Variants in EPSTI1 observed in about 807,000 individuals in gnomAD.
The protein encoded by EPSTI1 is epithelial stromal interaction 1.
In EPSTI1, 66 loss-of-function variants were observed where a neutral mutation model predicts 49.9. The observed-to-expected ratio is 1.32, with a 90% CI of 1.08 to 1.62. The LOEUF (loss-of-function observed/expected upper bound fraction) is 1.62, where lower values mean the gene tolerates loss of function less well. Ranked by LOEUF, EPSTI1 falls within the 40% of genes most tolerant of loss-of-function variation. The probability of loss-of-function intolerance (pLI) is 0.00; values close to 1 mark genes in which losing one functional copy is unlikely to be tolerated. For synonymous variants in EPSTI1, 137 were observed against 130.7 expected (o/e 1.05, Z -0.33); for missense variants, 394 against 365.5 (o/e 1.08, Z -0.64).
At chr13:42,909,639 A>G (rs760721817) in intron 8 of EPSTI1, among the ~76,000 whole-genome samples, 1 of 152,070 alleles carries the variant, frequency 6.6e-6, no homozygotes, top group Non-Finnish European at 1.5e-5. Flanking sequence ...AACATGGATG[A>G]ACCCAGAGGA....
At chr13:42,942,924 A>C (rs906411488) in intron 6 of EPSTI1, among the ~76,000 whole-genome samples, 1 of 151,604 alleles carries the variant, frequency 6.6e-6, no homozygotes, top group Non-Finnish European at 1.5e-5. Flanking sequence ...TCCTGACCTC[A>C]TGATCCACCC....
At chr13:42,961,863 G>T (rs2039461284) in intron 5 of EPSTI1, among the ~76,000 whole-genome samples, 1 of 152,202 alleles carries the variant, frequency 6.6e-6, no homozygotes, top group Non-Finnish European at 1.5e-5. Context: ...GCAGCCATTT[G>T]CCTGGGGAGG....
chr13:42,983,754 C>T (rs2040030912), intron 1 of EPSTI1, among the ~76,000 whole-genome samples: 1 of 152,026 alleles, frequency 6.6e-6, no homozygotes, highest in Non-Finnish European at 1.5e-5. Flanking sequence ...TTTCAAGACT[C>T]AGTTTCCTCA....
At chr13:42,917,712 C>T (rs12863816) in intron 7 of EPSTI1, 88 bp from the exon 8 acceptor site, 156,228 of 927,172 alleles carry the variant, frequency 0.17, 16,584 homozygotes, top group East Asian at 0.41. Flanking sequence ...CTACTATAGG[C>T]CCGGTGCTAA....
intron 6 of EPSTI1, among the ~76,000 whole-genome samples, chr13:42,939,919 G>A (rs1318074530): frequency 6.6e-6 from 1 of 152,194 alleles, no homozygotes; most frequent in Non-Finnish European, 1.5e-5. Context: ...CATCACTTAA[G>A]CTGAGCCACC....
At chr13:42,961,900 C>T (rs2039462459) in intron 5 of EPSTI1, among the ~76,000 whole-genome samples, 1 of 152,152 alleles carries the variant, frequency 6.6e-6, no homozygotes, top group African/African-American at 2.4e-5. Flanking sequence ...AGGCTGATGT[C>T]CATGTGTGTG....
intron 1 of EPSTI1, among the ~76,000 whole-genome samples, chr13:42,980,649 A>G (rs921943998): frequency 6.6e-6 from 1 of 152,274 alleles, no homozygotes; most frequent in Middle Eastern, 3.4e-3. Flanking sequence ...GGGAGCTACA[A>G]TTCAAGATGA....
chr13:42,960,314 G>T (rs2039408390), intron 5 of EPSTI1, among the ~76,000 whole-genome samples: 1 of 152,158 alleles, frequency 6.6e-6, no homozygotes, highest in Admixed American at 6.5e-5. Context: ...TTTATCATGT[G>T]ATTATGGGGG....
At chr13:42,900,443 C>T in intron 8 of EPSTI1, 60 bp from the exon 9 acceptor site, 1 of 1,501,524 alleles carries the variant, frequency 6.7e-7, no homozygotes. Context: ...ACAGAAGATA[C>T]CCAAATCAAT....
chr13:42,920,733 G>A (rs981886231), intron 7 of EPSTI1, among the ~76,000 whole-genome samples: 4 of 152,200 alleles, frequency 2.6e-5, no homozygotes, highest in South Asian at 4.1e-4. Flanking sequence ...GTGGACAAAT[G>A]CCAGGCTGAG....
In EPSTI1 at chr13:42,893,761, T is replaced by A. The variant is rs1464775193; in HGVS notation, c.915+1248A>T. Among the ~76,000 whole-genome samples the A allele has an allele frequency of 2.2e-4, 33 of 152,316 alleles. No individual in the cohort carries two copies. The South Asian group carries it at 6.4e-3, about 30-fold the overall frequency. ...TTCCATAGAGAAGAAATGACAACCATACAGTGTGTTTCCAAGCCCTGACCA... is the reference window on the plus strand; with the variant it reads ...TTCCATAGAGAAGAAATGACAACCAAACAGTGTGTTTCCAAGCCCTGACCA... On this transcript the variant is annotated intron_variant, in intron 10 of 10. Transcript: ENST00000313624.
chr13:42,900,933 T>C (rs187489032), intron 8 of EPSTI1, among the ~76,000 whole-genome samples: 291 of 152,308 alleles, frequency 1.9e-3, no homozygotes, highest in African/African-American at 6.7e-3. Context: ...CTGGAGGAGA[T>C]ACTTTGCTTC....
intron 8 of EPSTI1, among the ~76,000 whole-genome samples, chr13:42,909,070 G>A (rs1473910115): frequency 6.7e-6 from 1 of 148,376 alleles, no homozygotes; most frequent in Non-Finnish European, 1.5e-5. Flanking sequence ...TCCAGCCTGG[G>A]CAACAAGAGC....
chr13:42,951,067 G>GA (rs1316956597), intron 6 of EPSTI1, among the ~76,000 whole-genome samples: 1 of 152,122 alleles, frequency 6.6e-6, no homozygotes, highest in Non-Finnish European at 1.5e-5. Flanking sequence ...TGAGGCTGGA[G>GA]AATCGCTTGA....
intron 8 of EPSTI1, among the ~76,000 whole-genome samples, chr13:42,915,754 A>G (rs1175172704): frequency 2.0e-5 from 3 of 152,182 alleles, no homozygotes; most frequent in African/African-American, 7.2e-5. Context: ...TATATAATAA[A>G]AATATGTTCA....
intron 2 of EPSTI1, 44 bp from the exon 3 acceptor site, chr13:42,969,221 T>TA: frequency 1.3e-6 from 2 of 1,586,562 alleles, no homozygotes; most frequent in Middle Eastern, 3.3e-4. Context: ...ATTAGACTTC[T>TA]AAAAGAAAAC....
intron 8 of EPSTI1, among the ~76,000 whole-genome samples, chr13:42,902,955 A>T (rs1011807410): frequency 1.3e-5 from 2 of 152,256 alleles, no homozygotes; most frequent in African/African-American, 2.4e-5. Flanking sequence ...CCAGAACTAC[A>T]GGACCCATTC....
In EPSTI1 at chr13:42,922,484, A is replaced by T. The variant is rs556318096; in HGVS notation, c.657+3852T>A. Among the ~76,000 whole-genome samples, 4 of 152,264 alleles carry T rather than the reference A, an allele frequency of 2.6e-5. No individual in the cohort carries two copies. Among genetic ancestry groups the T allele is most frequent in the African/African-American group, 9.6e-5 (4 of 41,562 alleles). ...AGCCGTGTGCCAAGGGTTTGCGGGGACAGGGGACAGATGCCCCCCGGAAGC... is the reference window on the plus strand; with the variant it reads ...AGCCGTGTGCCAAGGGTTTGCGGGGTCAGGGGACAGATGCCCCCCGGAAGC... On this transcript the variant is annotated intron_variant, in intron 7 of 10. Transcript: ENST00000313624. The surrounding 1 kb of genome is among the most constrained non-coding windows in gnomAD (Gnocchi z 4.8).
chr13:42,899,429 G>T, intron 9 of EPSTI1, among the ~76,000 whole-genome samples: 1 of 152,126 alleles, frequency 6.6e-6, no homozygotes. Flanking sequence ...GGACAACATA[G>T]TTCAGTCAAA....
Sources: allele counts gnomAD v4.1 joint callset (sites outside exome capture counted in the v4.1 genomes callset), GRCh38; gene constraint gnomAD v4.1.1; non-coding constraint Gnocchi (gnomAD v3.1); transcripts MANE v1.5; gene names NCBI Gene and HGNC (gene_info 2026-07-23, HGNC 2026-07-21).